LINGO4: variants seen among roughly 807,000 people sequenced by gnomAD.
LINGO4 encodes the protein leucine rich repeat and Ig domain containing 4.
A neutral mutation model predicts 27.9 loss-of-function variants in LINGO4; 22 were observed. The ratio of observed to expected loss-of-function variants is 0.79; its 90% CI spans 0.56 to 1.13. The LOEUF is 1.13. Ranked by LOEUF, LINGO4 falls within the 50% of genes most tolerant of loss-of-function variation. The probability of loss-of-function intolerance (pLI) is 0.00; values close to 1 mark genes in which losing one functional copy is unlikely to be tolerated. For missense variants in LINGO4, 706 were observed against 739.4 expected, an observed-to-expected ratio of 0.95 and a Z score of 0.52; for synonymous variants, 306 against 325.8, an observed-to-expected ratio of 0.94 and a Z score of 0.65.
chr1:151,801,772 G>C lies in LINGO4; in HGVS notation c.933C>G (p.Cys311Trp). 1 of 1,614,192 alleles carries C rather than the reference G, an allele frequency of 6.2e-7. No homozygotes were observed. The highest frequency in any genetic ancestry group is 8.5e-7 in the Non-Finnish European group (1 of 1,180,034). The change falls in exon 2 of 2, where the codon TGC becomes TGG. Residue 311 changes from cysteine to tryptophan, a missense_variant. Cys to Trp is a radical substitution (Grantham distance 215, BLOSUM62 -2). Transcript: ENST00000368820. This position sits in a 1 kb window ranked among gnomAD's most constrained non-coding sequence, Gnocchi z 5.7. ...AGGCATGGGCAGCAATGGAGGTGAG[G>C]CATGCCCCTGACAGGCGTAGCTCCT... Reference protein sequence around the residue: ...RLQELRLSGACLTSIAAHAFH... With the variant: ...RLQELRLSGAWLTSIAAHAFH...
rs1382320759 is a variant in LINGO4, at chr1:151,800,791, G to A, written c.*132C>T. ...CAGGAAGCAGACTCTCCGGCAGGAGGCACAACGCAGGCGGGAGGTGCAGGA... is the reference window on the plus strand; with the variant it reads ...CAGGAAGCAGACTCTCCGGCAGGAGACACAACGCAGGCGGGAGGTGCAGGA... On this transcript the variant is annotated 3_prime_UTR_variant, in exon 2 of 2. Transcript: ENST00000368820. 1.0e-5 allele frequency: 8 copies of A among 771,514 alleles called. No individual in the cohort carries two copies. The allele number at this position is 771,514 out of a possible 1,614,324, so 47.8% of individuals were successfully genotyped here.
intron 1 of LINGO4, among the ~76,000 whole-genome samples, chr1:151,804,799 C>T (rs1281193503): frequency 6.6e-6 from 1 of 152,238 alleles, no homozygotes; most frequent in African/African-American, 2.4e-5. Flanking sequence ...CCCTTGAAGG[C>T]ATCACCCCTC....
chr1:151,802,732 G>A lies in LINGO4; in HGVS notation c.-13-15C>T. The A allele has an allele frequency of 6.9e-7, 1 of 1,450,318 alleles. No individual in the cohort carries two copies. The highest frequency in any genetic ancestry group is 9.1e-7 in the Non-Finnish European group (1 of 1,101,596). The allele number at this position is 1,450,318 out of a possible 1,614,324, so 89.8% of individuals were successfully genotyped here. A position where few individuals can be genotyped will look rare whatever the true frequency, so the allele number is the denominator to read the frequency against. On this transcript the variant is annotated splice_polypyrimidine_tract_variant and intron_variant, in intron 1 of 1. Transcript: ENST00000368820. ...CCTCTTCAGTCCTGGAATAGATGAT[G>A]ACATGGCCCTTTTTGGAAAGTGGCT... is the stretch of plus-strand genomic sequence containing the variant.
chr1:151,802,253 G>T lies in LINGO4; in HGVS notation c.452C>A (p.Ala151Asp). 6.2e-7 allele frequency: 1 copy of T among 1,614,180 alleles called. No individual in the cohort carries two copies. The highest frequency in any genetic ancestry group is 8.5e-7 in the Non-Finnish European group (1 of 1,180,022). Residue 151 changes from alanine to aspartate, a missense_variant, in exon 2 of 2, where the codon GCT becomes GAT. Ala to Asp is a moderately radical substitution (Grantham distance 126). Coordinates refer to ENST00000368820, the MANE Select transcript of LINGO4 (RefSeq NM_001004432.4). ...CTGGAGGCTGCCTAGCTCCCCAAAAGCTCCATCTAGGAAGAGAACAATCTG... is the reference window on the plus strand; with the variant it reads ...CTGGAGGCTGCCTAGCTCCCCAAAATCTCCATCTAGGAAGAGAACAATCTG... ...LNQIVLFLDGAFGELGSLQKL... is the reference protein window; with the variant it reads ...LNQIVLFLDGDFGELGSLQKL...
Position 151,802,211 on chromosome 1 carries a change from TC to T in LINGO4, c.493del (p.Asp165ThrfsTer15). On this transcript the variant is annotated frameshift_variant, in exon 2 of 2. Transcript: ENST00000368820. LOFTEE classifies it high-confidence loss of function. The part of the protein sequence containing the change: ...LGSLQKLEVG[D>X]NHLVFVAPGA... The stretch of plus-strand genomic sequence containing the variant: ...CGGAGCCACAAATACCAGGTGGTTG[TC>T]CCCAACCTCCAGCTTCTGGAGGCTG... 1.2e-6 allele frequency: 2 copies of T among 1,614,092 alleles called. No homozygotes were observed. The highest frequency in any genetic ancestry group is 1.7e-6 in the Non-Finnish European group (2 of 1,180,008).
In LINGO4 at chr1:151,802,047, G is replaced by T; in HGVS notation, c.658C>A (p.Pro220Thr). Reference protein sequence around the residue: ...RLRELDIGRLPAGALRGLGQL... With the variant: ...RLRELDIGRLTAGALRGLGQL... ...CCCAGCCCCCGCAGGGCCCCAGCTG[G>T]CAGCCTCCCAATATCCAGTTCTCTA... Residue 220 changes from proline to threonine, a missense_variant, in exon 2 of 2, where the codon CCA becomes ACA. Pro to Thr is a conservative substitution (Grantham distance 38). Coordinates refer to ENST00000368820, the MANE Select transcript of LINGO4 (RefSeq NM_001004432.4). 6.2e-7 allele frequency: 1 copy of T among 1,614,124 alleles called. No homozygotes were observed. Among genetic ancestry groups the T allele is most frequent in the Non-Finnish European group, 8.5e-7 (1 of 1,180,026 alleles).
chr1:151,801,180 C>G lies in LINGO4; in HGVS notation c.1525G>C (p.Gly509Arg), dbSNP rs763903194. The G allele has an allele frequency of 9.0e-5, 145 of 1,614,038 alleles. No homozygotes were observed. The highest frequency in any genetic ancestry group is 1.2e-4 in the Non-Finnish European group (141 of 1,180,046). Residue 509 changes from glycine to arginine, a missense_variant, in exon 2 of 2, where the codon GGC becomes CGC. Physicochemically the swap from Gly to Arg is moderately radical, Grantham distance 125 (BLOSUM62 -2). Transcript: ENST00000368820. The surrounding 1 kb of genome is among the most constrained non-coding windows in gnomAD (Gnocchi z 5.7). ...GTGATGTTGGGGTCAGAAAGTGTGC[C>G]GTTTGGTGGTTCCACCTGGATGACT... is the stretch of plus-strand genomic sequence containing the variant. ...LEVIQVEPPN[G>R]TLSDPNITVP...
chr1:151,801,101 A>G lies in LINGO4; in HGVS notation c.1604T>C (p.Val535Ala), dbSNP rs1209261912. 1 of 1,614,212 alleles carries G rather than the reference A, an allele frequency of 6.2e-7. No individual in the cohort carries two copies. The highest frequency in any genetic ancestry group is 8.5e-7 in the Non-Finnish European group (1 of 1,180,036). The change falls in exon 2 of 2, where the codon GTG (valine) becomes GCG (alanine). Residue 535 changes from valine (V) to alanine (A), a missense_variant. Physicochemically the swap from Val to Ala is moderately conservative, Grantham distance 64. Coordinates refer to ENST00000368820, the MANE Select transcript of LINGO4 (RefSeq NM_001004432.4). The surrounding 1 kb of genome is among the most constrained non-coding windows in gnomAD (Gnocchi z 5.7). ...GAAGGGGAGGAAGCCGACTGCCAGC[A>G]CCATGGCCACACCTCTGCTATCCAG... is the stretch of plus-strand genomic sequence containing the variant. ...FFLDSRGVAM[V>A]LAVGFLPFLT... is the part of the protein sequence containing the mutation.
Position 151,802,198 on chromosome 1 carries a change from T to TA in LINGO4, c.506dup (p.Phe170IlefsTer43), listed in dbSNP as rs757892108. 5.6e-6 allele frequency: 9 copies of TA among 1,613,996 alleles called. No individual in the cohort carries two copies. Among genetic ancestry groups the TA allele is most frequent in the Non-Finnish European group, 7.6e-6 (9 of 1,180,012 alleles). ...CTGCAAAGGCCCCCGGAGCCACAAA[T>TA]ACCAGGTGGTTGTCCCCAACCTCCA... On this transcript the variant is annotated frameshift_variant, in exon 2 of 2. Transcript: ENST00000368820. LOFTEE classifies it high-confidence loss of function.
Position 151,802,217 on chromosome 1 carries a change from A to C in LINGO4, c.488T>G (p.Val163Gly), listed in dbSNP as rs143694921. 1.7e-4 allele frequency: 271 copies of C among 1,613,972 alleles called. No individual in the cohort carries two copies. Among genetic ancestry groups the C allele is most frequent in the Non-Finnish European group, 2.1e-4 (253 of 1,180,020 alleles). ...CACAAATACCAGGTGGTTGTCCCCA[A>C]CCTCCAGCTTCTGGAGGCTGCCTAG... The part of the protein sequence containing the change: ...GELGSLQKLE[V>G]GDNHLVFVAP... The change falls in exon 2 of 2, where the codon GTT becomes GGT. Residue 163 changes from valine (V) to glycine (G), a missense_variant. Val to Gly is a moderately radical substitution (Grantham distance 109). Coordinates refer to ENST00000368820, the MANE Select transcript of LINGO4 (RefSeq NM_001004432.4).
In LINGO4 at chr1:151,801,985, A is replaced by G. The variant is rs778471540; in HGVS notation, c.720T>C (p.Ser240=). The G allele has an allele frequency of 6.2e-7, 1 of 1,614,162 alleles. No homozygotes were observed. The highest frequency in any genetic ancestry group is 8.5e-7 in the Non-Finnish European group (1 of 1,180,000). The change falls in exon 2 of 2, where the codon TCT becomes TCC. Residue 240 remains serine, a synonymous_variant. Transcript: ENST00000368820. The surrounding 1 kb of genome is among the most constrained non-coding windows in gnomAD (Gnocchi z 5.7). ...GGCTCCCAGGGTCCAGAGCCTCCAG[A>G]GATGGCCAGAGGTGGATCTCCAGCT... ...LKELEIHLWP[S]LEALDPGSLV...
At chr1:151,802,801 G>A (rs1365863077) in intron 1 of LINGO4, 84 bp from the exon 2 acceptor site, 2 of 988,508 alleles carry the variant, frequency 2.0e-6, no homozygotes, top group Non-Finnish European at 2.8e-6. Context: ...TCTTAGAGAG[G>A]AGAGAAATTG....
chr1:151,803,345 G>A (rs1469151508), intron 1 of LINGO4, among the ~76,000 whole-genome samples: 1 of 152,126 alleles, frequency 6.6e-6, no homozygotes, highest in African/African-American at 2.4e-5. Context: ...CCTGAGCCCT[G>A]GACTAACAAG....
chr1:151,801,186 G>T lies in LINGO4; in HGVS notation c.1519C>A (p.Pro507Thr). The T allele has an allele frequency of 6.2e-7, 1 of 1,614,218 alleles. No homozygotes were observed. Among genetic ancestry groups the T allele is most frequent in the South Asian group, 1.1e-5 (1 of 91,090 alleles). Residue 507 changes from proline to threonine, a missense_variant, in exon 2 of 2, where the codon CCA becomes ACA. Coordinates refer to ENST00000368820, the MANE Select transcript of LINGO4 (RefSeq NM_001004432.4). This position sits in a 1 kb window ranked among gnomAD's most constrained non-coding sequence, Gnocchi z 5.7. ...TTGGGGTCAGAAAGTGTGCCGTTTG[G>T]TGGTTCCACCTGGATGACTTCCAGC... Reference protein sequence around the residue: ...TWLEVIQVEPPNGTLSDPNIT... With the variant: ...TWLEVIQVEPTNGTLSDPNIT...
Position 151,801,233 on chromosome 1 carries a change from C to T in LINGO4, c.1472G>A (p.Gly491Glu), listed in dbSNP as rs750255486. 6.2e-7 allele frequency: 1 copy of T among 1,614,174 alleles called. No homozygotes were observed. The highest frequency in any genetic ancestry group is 1.1e-5 in the South Asian group (1 of 91,080). ...AYVCVVSNVA[G>E]NDSLRTWLEV... ...CAGCCAGGTCCTCAGGGAGTCATTC[C>T]CAGCGACATTGCTAACCACACAGAC... The change falls in exon 2 of 2, where the codon GGG becomes GAG. Residue 491 changes from glycine (G) to glutamate (E), a missense_variant. Transcript: ENST00000368820. The surrounding 1 kb of genome is among the most constrained non-coding windows in gnomAD (Gnocchi z 5.7).
chr1:151,804,227 G>A (rs1651226149), intron 1 of LINGO4, among the ~76,000 whole-genome samples: 1 of 152,144 alleles, frequency 6.6e-6, no homozygotes, highest in Admixed American at 6.5e-5. Context: ...TCATTCTAGT[G>A]GCTATCCTAC....
chr1:151,802,596 A>C lies in LINGO4; in HGVS notation c.109T>G (p.Cys37Gly), dbSNP rs1301124394. 2.5e-6 allele frequency: 4 copies of C among 1,601,176 alleles called. No individual in the cohort carries two copies. In the Middle Eastern group the frequency reaches 5.0e-4, roughly 198 times the overall value. The change falls in exon 2 of 2, where the codon TGC (cysteine) becomes GGC (glycine). Residue 37 changes from cysteine (C) to glycine (G), a missense_variant. Coordinates refer to ENST00000368820, the MANE Select transcript of LINGO4 (RefSeq NM_001004432.4). The part of the protein sequence containing the change: ...SGGSCPAVCD[C>G]TSQPQAVLCG... ...AGCACAGCCTGGGGCTGGGAGGTGC[A>C]GTCACACACAGCAGGGCAGCTGCCA...
rs199973713 is a variant in LINGO4, at chr1:151,801,420, C to T, written c.1285G>A (p.Gly429Arg). ...GPRWVIAEEG[G>R]HAVFSCSGDG... is the part of the protein sequence containing the mutation. ...CCAGAGCAGGAGAAAACCGCATGCC[C>T]GCCCTCCTCTGCAATGACCCATCGA... Residue 429 changes from glycine (G) to arginine (R), a missense_variant, in exon 2 of 2, where the codon GGG becomes AGG. By Grantham distance (125) the Gly-to-Arg change is moderately radical. Transcript: ENST00000368820. This position sits in a 1 kb window ranked among gnomAD's most constrained non-coding sequence, Gnocchi z 5.7. 17 of 1,613,990 alleles carry T rather than the reference C, an allele frequency of 1.1e-5. No homozygotes were observed. The highest frequency in any genetic ancestry group is 6.7e-5 in the Admixed American group (4 of 60,014).
chr1:151,802,570 G>A lies in LINGO4; in HGVS notation c.135C>T (p.Leu45=). 6.2e-7 allele frequency: 1 copy of A among 1,600,668 alleles called. No individual in the cohort carries two copies. Among genetic ancestry groups the A allele is most frequent in the Non-Finnish European group, 8.5e-7 (1 of 1,173,310 alleles). The part of the protein sequence containing the change: ...CDCTSQPQAV[L]CGHRQLEAVP... Reference sequence around the variant, plus strand: ...CAGCCTCCAGTTGCCTGTGGCCACAGAGCACAGCCTGGGGCTGGGAGGTGC... The same window carrying A: ...CAGCCTCCAGTTGCCTGTGGCCACAAAGCACAGCCTGGGGCTGGGAGGTGC... The change falls in exon 2 of 2, where the codon CTC becomes CTT. Residue 45 remains leucine (L), a synonymous_variant. Transcript: ENST00000368820.
Sources: gnomAD v4.1 joint callset for allele counts (sites outside exome capture counted in the v4.1 genomes callset) on GRCh38, gnomAD v4.1.1 for gene constraint, Gnocchi (gnomAD v3.1) non-coding constraint, MANE v1.5 for transcripts, NCBI Gene and HGNC (gene_info 2026-07-23, HGNC 2026-07-21) for gene names.